The following ARHGAP24 variants were observed in gnomAD, a reference collection of about 807,000 sequenced individuals.
ARHGAP24 encodes the protein rho GTPase-activating protein 24.
Under a neutral mutation model 76.4 loss-of-function variants are expected in ARHGAP24, and 50 were observed. The observed-to-expected ratio is 0.65, with a 90% CI of 0.52 to 0.83. The LOEUF (loss-of-function observed/expected upper bound fraction) is 0.83. Among genes scored for constraint, ARHGAP24 ranks in the 40% least tolerant of loss-of-function variants. The probability of loss-of-function intolerance (pLI) is 0.00; values close to 1 mark genes in which losing one functional copy is unlikely to be tolerated. For missense variants in ARHGAP24, 930 were observed against 914.2 expected, an observed-to-expected ratio of 1.02 and a Z score of -0.22; for synonymous variants, 345 against 323.3, an observed-to-expected ratio of 1.07 and a Z score of -0.72.
In ARHGAP24 at chr4:85,793,098, A is replaced by G. The variant is rs1438652329; in HGVS notation, c.268+71126A>G. On this transcript the variant is annotated intron_variant, in intron 3 of 9. Transcript: ENST00000395184. ...AATTTTTTAAATGAAATTTTGTGTT[A>G]GCAGGAGGTCATAAATGTTAAAGCA... Among the ~76,000 whole-genome samples the G allele has an allele frequency of 2.0e-5, 3 of 152,182 alleles. No individual in the cohort carries two copies. In the East Asian group the frequency reaches 5.8e-4, roughly 29 times the overall value.
intron 2 of ARHGAP24, among the ~76,000 whole-genome samples, chr4:85,579,812 T>G (rs1727533626): frequency 6.6e-6 from 1 of 152,194 alleles, no homozygotes; most frequent in Admixed American, 6.5e-5. Flanking sequence ...TTGAAAAATA[T>G]TCCATTGTAT....
At chr4:85,940,583 G>A (rs745565711) in intron 4 of ARHGAP24, among the ~76,000 whole-genome samples, 1 of 152,118 alleles carries the variant, frequency 6.6e-6, no homozygotes, top group Non-Finnish European at 1.5e-5. Context: ...AGAATGGGGT[G>A]TGAGTGTCTG....
At chr4:85,647,439 T>G (rs146331916) in intron 2 of ARHGAP24, among the ~76,000 whole-genome samples, 1 of 152,094 alleles carries the variant, frequency 6.6e-6, no homozygotes, top group Non-Finnish European at 1.5e-5. Context: ...ATGGTCACCA[T>G]GCTGTAGTAA....
chr4:85,707,673 G>C (rs1724369388), intron 2 of ARHGAP24, among the ~76,000 whole-genome samples: 1 of 152,054 alleles, frequency 6.6e-6, no homozygotes, highest in Non-Finnish European at 1.5e-5. Flanking sequence ...GACCCAATAT[G>C]TGCTATTTTC....
intron 1 of ARHGAP24, among the ~76,000 whole-genome samples, chr4:85,521,992 G>A (rs2110111575): frequency 6.6e-6 from 1 of 152,242 alleles, no homozygotes; most frequent in Non-Finnish European, 1.5e-5. Context: ...TGCCTGTTTT[G>A]TAGAAATTCT....
intron 2 of ARHGAP24, among the ~76,000 whole-genome samples, chr4:85,626,586 G>T (rs1720962662): frequency 6.6e-6 from 1 of 152,094 alleles, no homozygotes; most frequent in South Asian, 2.1e-4. Context: ...GTAATTTTGT[G>T]GCATTCTCTG....
Position 85,721,942 on chromosome 4 carries a change from C to G in ARHGAP24, c.238C>G (p.Pro80Ala). The G allele has an allele frequency of 6.2e-7, 1 of 1,613,354 alleles. No homozygotes were observed. The highest frequency in any genetic ancestry group is 8.5e-7 in the Non-Finnish European group (1 of 1,179,628). ...VSEHPCNEEN[P>A]GKFLFEVVPG... ...TGAGCATCCCTGCAATGAAGAGAAC[C>G]CAGGGAAGTTCCTTTTTGAAGTAGT... is the stretch of plus-strand genomic sequence containing the variant. The change falls in exon 3 of 10, where the codon CCA becomes GCA. Residue 80 changes from proline (P) to alanine (A), a missense_variant. By Grantham distance (27) the Pro-to-Ala change is conservative. Transcript: ENST00000395184.
intron 2 of ARHGAP24, among the ~76,000 whole-genome samples, chr4:85,671,709 TTTCTG>T (rs1722821464): frequency 6.6e-6 from 1 of 152,174 alleles, no homozygotes; most frequent in Non-Finnish European, 1.5e-5. Context: ...AGAGCAGAGC[TTTCTG>T]TAGAACTTTT....
intron 3 of ARHGAP24, among the ~76,000 whole-genome samples, chr4:85,841,376 T>C (rs1345206501): frequency 1.3e-5 from 2 of 152,212 alleles, no homozygotes; most frequent in African/African-American, 4.8e-5. Context: ...GTGTTGATTG[T>C]AGTTCCAACT....
intron 3 of ARHGAP24, among the ~76,000 whole-genome samples, chr4:85,836,206 C>G (rs532052726): frequency 1.3e-5 from 2 of 152,196 alleles, no homozygotes; most frequent in East Asian, 3.9e-4. Context: ...CCAAACATTT[C>G]TGTGTGTGTC....
intron 2 of ARHGAP24, among the ~76,000 whole-genome samples, chr4:85,690,622 G>A (rs937041361): frequency 6.6e-6 from 1 of 151,652 alleles, no homozygotes; most frequent in Non-Finnish European, 1.5e-5. Flanking sequence ...AGTAGTCTCT[G>A]AGGATCTTTT....
intron 9 of ARHGAP24, among the ~76,000 whole-genome samples, chr4:85,997,627 G>A (rs1344736907): frequency 1.6e-5 from 1 of 62,236 alleles, no homozygotes; most frequent in Non-Finnish European, 3.7e-5. Context: ...TCTCCAAATT[G>A]GTTTCTAACT....
At chr4:85,763,556 G>A (rs1726817753) in intron 3 of ARHGAP24, among the ~76,000 whole-genome samples, 1 of 152,110 alleles carries the variant, frequency 6.6e-6, no homozygotes, top group African/African-American at 2.4e-5. Context: ...AGAATGTAGA[G>A]GAGCCCAAAG....
chr4:85,730,989 C>T (rs940313154), intron 3 of ARHGAP24, among the ~76,000 whole-genome samples: 7 of 80,926 alleles, frequency 8.6e-5, no homozygotes, highest in African/African-American at 2.8e-4. Flanking sequence ...TATAACTGCA[C>T]ACACACACAC....
intron 2 of ARHGAP24, among the ~76,000 whole-genome samples, chr4:85,662,701 G>A (rs1390675830): frequency 6.6e-6 from 1 of 152,222 alleles, no homozygotes; most frequent in East Asian, 1.9e-4. Flanking sequence ...TGTATAAGGT[G>A]TAAGGAAGGG....
At chr4:85,925,228 A>G (rs544021853) in intron 4 of ARHGAP24, among the ~76,000 whole-genome samples, 1 of 152,352 alleles carries the variant, frequency 6.6e-6, no homozygotes, top group African/African-American at 2.4e-5. Context: ...TTTGTAGCAT[A>G]ATGAAATCTC....
intron 1 of ARHGAP24, among the ~76,000 whole-genome samples, chr4:85,488,654 C>A (rs1414409554): frequency 6.6e-6 from 1 of 152,152 alleles, no homozygotes; most frequent in African/African-American, 2.4e-5. Context: ...TTCTCAGGAG[C>A]CTTTCTCACC....
intron 3 of ARHGAP24, among the ~76,000 whole-genome samples, chr4:85,843,657 T>G (rs1730721821): frequency 6.6e-6 from 1 of 152,106 alleles, no homozygotes; most frequent in Non-Finnish European, 1.5e-5. Flanking sequence ...AGGGAAAAAT[T>G]TCTTTAAAAT....
intron 4 of ARHGAP24, among the ~76,000 whole-genome samples, chr4:85,938,417 T>C (rs1736775523): frequency 6.6e-6 from 1 of 152,144 alleles, no homozygotes; most frequent in Non-Finnish European, 1.5e-5. Context: ...CCTTTGTGCT[T>C]TTATGTTAAT....
Sources: allele counts gnomAD v4.1 joint callset (sites outside exome capture counted in the v4.1 genomes callset), GRCh38; gene constraint gnomAD v4.1.1; transcripts MANE v1.5; gene names NCBI Gene and HGNC (gene_info 2026-07-23, HGNC 2026-07-21).